GPRC6A: variants seen among roughly 807,000 people sequenced by gnomAD.
GPRC6A encodes G protein-coupled receptor class C group 6 member A, also known as G protein-coupled receptor family C group 6 member A.
Under a neutral mutation model 47.0 loss-of-function variants are expected in GPRC6A, and 54 were observed. The ratio of observed to expected loss-of-function variants is 1.15; its 90% CI spans 0.92 to 1.44. The LOEUF is 1.44. Ranked by LOEUF, GPRC6A falls within the 40% of genes most tolerant of loss-of-function variation. The pLI is 0.00. For missense variants in GPRC6A, 1,112 were observed against 1,105.5 expected, an observed-to-expected ratio of 1.01 and a Z score of -0.08; for synonymous variants, 347 against 377.1, an observed-to-expected ratio of 0.92 and a Z score of 0.93.
At chr6:116,826,235 A>T (rs117087463) in intron 1 of GPRC6A, among the ~76,000 whole-genome samples, 2,253 of 152,004 alleles carry the variant, frequency 0.015, 30 homozygotes, top group Non-Finnish European at 0.02. Context: ...AAAGGAAACC[A>T]TCAAGAATGA....
chr6:116,796,282 T>TA (rs202165068), intron 4 of GPRC6A, among the ~76,000 whole-genome samples: 20 of 144,732 alleles, frequency 1.4e-4, no homozygotes, highest in South Asian at 2.2e-4. Flanking sequence ...CTCCAAAAAA[T>TA]AAAAAAAAAA....
intron 4 of GPRC6A, among the ~76,000 whole-genome samples, chr6:116,796,170 G>C (rs1249501443): frequency 6.6e-6 from 1 of 151,942 alleles, no homozygotes; most frequent in Non-Finnish European, 1.5e-5. Flanking sequence ...ATCCCATGTT[G>C]AATGAAGGGT....
chr6:116,817,381 A>G (rs1773260699), intron 1 of GPRC6A, among the ~76,000 whole-genome samples: 1 of 151,172 alleles, frequency 6.6e-6, no homozygotes. Flanking sequence ...CCAAAAACCC[A>G]TCTGTACATC....
chr6:116,811,956 A>G (rs897644184), intron 1 of GPRC6A, among the ~76,000 whole-genome samples: 1 of 152,232 alleles, frequency 6.6e-6, no homozygotes, highest in Non-Finnish European at 1.5e-5. Context: ...TTAAACATAT[A>G]TAACAAAATA....
Position 116,826,236 on chromosome 6 carries a change from T to C in GPRC6A, c.194+2584A>G, listed in dbSNP as rs143469415. ...AATCTCTATATAGGAAAGGAAACCATCAAGAATGAAGAGACAACCACTTAC... is the reference window on the plus strand; with the variant it reads ...AATCTCTATATAGGAAAGGAAACCACCAAGAATGAAGAGACAACCACTTAC... On this transcript the variant is annotated intron_variant, in intron 1 of 5. Coordinates refer to ENST00000310357, the MANE Select transcript of GPRC6A (RefSeq NM_148963.4). Among the ~76,000 whole-genome samples, 300 of 151,748 alleles carry C rather than the reference T, an allele frequency of 2.0e-3. 1 individual carries two copies. The highest frequency in any genetic ancestry group is 3.5e-3 in the Non-Finnish European group (235 of 67,776).
chr6:116,792,585 C>G lies in GPRC6A; in HGVS notation c.2338G>C (p.Glu780Gln). ...AFKGKYENYNEAKFITFGMLI... is the reference protein window; with the variant it reads ...AFKGKYENYNQAKFITFGMLI... ...ATGCCAAATGTAATGAATTTGGCTT[C>G]ATTGTAATTCTCATATTTGCCTTTG... is the stretch of plus-strand genomic sequence containing the variant. The change falls in exon 6 of 6, where the codon GAA becomes CAA. Residue 780 changes from glutamate (E) to glutamine (Q), a missense_variant. Physicochemically the swap from Glu to Gln is conservative, Grantham distance 29. Coordinates refer to ENST00000310357, the MANE Select transcript of GPRC6A (RefSeq NM_148963.4). 6.4e-7 allele frequency: 1 copy of G among 1,563,694 alleles called. No individual in the cohort carries two copies. Among genetic ancestry groups the G allele is most frequent in the Non-Finnish European group, 8.7e-7 (1 of 1,154,414 alleles).
intron 1 of GPRC6A, among the ~76,000 whole-genome samples, chr6:116,817,545 A>G (rs915034290): frequency 6.6e-6 from 1 of 152,178 alleles, no homozygotes; most frequent in Non-Finnish European, 1.5e-5. Context: ...GAGAATGACG[A>G]GCTGAGAGAA....
At position 116,792,206 on chromosome 6, in the gene GPRC6A, A is replaced by G; in HGVS notation, c.2717T>C (p.Ile906Thr). The change falls in exon 6 of 6, where the codon ATA becomes ACA. Residue 906 changes from isoleucine (I) to threonine (T), a missense_variant. Ile to Thr is a moderately conservative substitution (Grantham distance 89). Coordinates refer to ENST00000310357, the MANE Select transcript of GPRC6A (RefSeq NM_148963.4). ...KDLQAQAFAHICRENATSVSK... is the reference protein window; with the variant it reads ...KDLQAQAFAHTCRENATSVSK... The stretch of plus-strand genomic sequence containing the variant: ...TACACTTGTGGCATTTTCCCTGCAT[A>G]TGTGTGCAAATGCTTGTGCCTGAAG... The G allele has an allele frequency of 1.9e-6, 3 of 1,613,732 alleles. No individual in the cohort carries two copies. Among genetic ancestry groups the G allele is most frequent in the Non-Finnish European group, 2.5e-6 (3 of 1,179,724 alleles).
chr6:116,794,675 C>T (rs1008522893), intron 5 of GPRC6A, among the ~76,000 whole-genome samples: 1 of 152,106 alleles, frequency 6.6e-6, no homozygotes, highest in Non-Finnish European at 1.5e-5. Flanking sequence ...AACTCCCTCG[C>T]TAATTATCTA....
intron 2 of GPRC6A, among the ~76,000 whole-genome samples, chr6:116,808,809 G>C (rs1772932901): frequency 6.6e-6 from 1 of 152,034 alleles, no homozygotes; most frequent in East Asian, 1.9e-4. Context: ...CAATAACTTA[G>C]TACACAGTGC....
intron 1 of GPRC6A, among the ~76,000 whole-genome samples, chr6:116,825,005 G>T (rs1254537908): frequency 6.6e-6 from 1 of 151,984 alleles, no homozygotes; most frequent in African/African-American, 2.4e-5. Context: ...CATCTCAATA[G>T]ATGTAGAAAA....
chr6:116,809,425 A>C lies in GPRC6A; in HGVS notation c.387T>G (p.Phe129Leu), dbSNP rs1772953704. ...KFNCSRETVE[F>L]KCDYSSYMPR... ...GCATGTAGCTGGAATAGTCACACTT[A>C]AACTCCACAGTTTCTCTGGAGCAGT... The change falls in exon 2 of 6, where the codon TTT becomes TTG. Residue 129 changes from phenylalanine (F) to leucine (L), a missense_variant. Coordinates refer to ENST00000310357, the MANE Select transcript of GPRC6A (RefSeq NM_148963.4). The C allele has an allele frequency of 6.2e-7, 1 of 1,613,682 alleles. No homozygotes were observed. The highest frequency in any genetic ancestry group is 2.2e-5 in the East Asian group (1 of 44,872).
At chr6:116,821,356 C>G (rs1412176912) in intron 1 of GPRC6A, among the ~76,000 whole-genome samples, 2 of 152,072 alleles carry the variant, frequency 1.3e-5, no homozygotes, top group African/African-American at 4.8e-5. Flanking sequence ...TTGCAAAAAA[C>G]TACTTTAAAG....
rs541388639 is a variant in GPRC6A, at chr6:116,806,770, G to T, written c.935C>A (p.Thr312Asn). The change falls in exon 3 of 6, where the codon ACC (threonine) becomes AAC (asparagine). Residue 312 changes from threonine (T) to asparagine (N), a missense_variant. Thr to Asn is a moderately conservative substitution (Grantham distance 65). Coordinates refer to ENST00000310357, the MANE Select transcript of GPRC6A (RefSeq NM_148963.4). ...SDNWSTATKITTIPNVKKIGK... is the reference protein window; with the variant it reads ...SDNWSTATKINTIPNVKKIGK... ...AATCTTTTTAACATTAGGAATGGTGGTAATCTTGGTGGCAGTTGACCAATT... is the reference window on the plus strand; with the variant it reads ...AATCTTTTTAACATTAGGAATGGTGTTAATCTTGGTGGCAGTTGACCAATT... 3.2e-5 allele frequency: 51 copies of T among 1,613,544 alleles called. 1 individual carries two copies. The South Asian group carries it at 5.5e-4, about 17-fold the overall frequency.
intron 1 of GPRC6A, among the ~76,000 whole-genome samples, chr6:116,818,313 T>G (rs1439620794): frequency 6.6e-6 from 1 of 150,744 alleles, no homozygotes; most frequent in African/African-American, 2.4e-5. Context: ...GGCGGGCGGA[T>G]CACGAGGTCA....
Position 116,792,130 on chromosome 6 carries a change from C to T in GPRC6A, c.*12G>A. 6.2e-7 allele frequency: 1 copy of T among 1,602,838 alleles called. No individual in the cohort carries two copies. Among genetic ancestry groups the T allele is most frequent in the South Asian group, 1.1e-5 (1 of 88,684 alleles). ...CATTTTATTCTGGAATGTGGCATCT[C>T]CTAAGGCTTATTCATATACTTGACA... On this transcript the variant is annotated 3_prime_UTR_variant, in exon 6 of 6. Transcript: ENST00000310357.
chr6:116,809,194 T>G, intron 2 of GPRC6A, 120 bp downstream of exon 2: 1 of 740,634 alleles, frequency 1.4e-6, no homozygotes, highest in South Asian at 1.9e-5. Flanking sequence ...TTTCTTTAAC[T>G]AAAGAGAAAG....
chr6:116,820,795 G>T (rs1490905394), intron 1 of GPRC6A, among the ~76,000 whole-genome samples: 3 of 149,742 alleles, frequency 2.0e-5, no homozygotes, highest in Non-Finnish European at 4.5e-5. Context: ...TTGAAAACTG[G>T]CACAAGACAG....
intron 2 of GPRC6A, among the ~76,000 whole-genome samples, chr6:116,808,046 A>T (rs1772910910): frequency 1.3e-5 from 2 of 151,746 alleles, no homozygotes; most frequent in South Asian, 4.2e-4. Flanking sequence ...TGATGGAAAG[A>T]CAATAGGCTT....
Sources: gnomAD v4.1 joint callset for allele counts (sites outside exome capture counted in the v4.1 genomes callset) on GRCh38, gnomAD v4.1.1 for gene constraint, MANE v1.5 for transcripts, NCBI Gene and HGNC (gene_info 2026-07-23, HGNC 2026-07-21) for gene names.